ARL10: variants seen among roughly 807,000 people sequenced by gnomAD.
The protein encoded by ARL10 is ARF like GTPase 10.
ARL10 carries 23 observed loss-of-function variants against 26.1 expected under a neutral mutation model. The ratio of observed to expected loss-of-function variants is 0.88; its 90% CI spans 0.63 to 1.25. The LOEUF is 1.25. ARL10 is among the 50% of genes most tolerant of loss of function. The pLI is 0.00. For synonymous variants in ARL10, 138 were observed against 149.1 expected (o/e 0.93, Z 0.54); for missense variants, 300 against 323.6 (o/e 0.93, Z 0.56).
At chr5:176,406,343 T>C, downstream of ARL10, 1 of 1,112,004 alleles carries the variant, frequency 9.0e-7, no homozygotes, top group South Asian at 2.0e-5. Flanking sequence ...CTCCCTAGAA[T>C]CCCTCTCCTG....
chr5:176,396,538 G>A, intron 1 of ARL10: 1 of 1,612,364 alleles, frequency 6.2e-7, no homozygotes, highest in Admixed American at 1.7e-5. Context: ...CGATCCTTGA[G>A]GGAAAGGTTG....
At chr5:176,369,268 T>G in intron 3 of ARL10, 1 of 1,297,562 alleles carries the variant, frequency 7.7e-7, no homozygotes, top group South Asian at 1.3e-5. Flanking sequence ...AGTCTTGTTC[T>G]GTCGCCCAGG....
At chr5:176,392,934 T>G, downstream of ARL10, 1 of 1,614,114 alleles carries the variant, frequency 6.2e-7, no homozygotes, top group Middle Eastern at 1.6e-4. This position sits in a 1 kb window ranked among gnomAD's most constrained non-coding sequence, Gnocchi z 5.2. Context: ...CACGAAAGCC[T>G]CCTCGGATGC....
chr5:176,406,051 C>G, downstream of ARL10: 5 of 637,590 alleles, frequency 7.8e-6, no homozygotes, highest in Non-Finnish European at 9.8e-6. Flanking sequence ...GCAGTCACCA[C>G]TCATTATTTC....
At chr5:176,388,248 A>T (rs1204787616) in intron 1 of ARL10, 2 of 1,611,532 alleles carry the variant, frequency 1.2e-6, no homozygotes, top group Admixed American at 1.7e-5. Flanking sequence ...TCTCTTACGG[A>T]GGGGCACCGC....
At chr5:176,384,342 T>G (rs1201501127), downstream of ARL10, 2 of 1,614,144 alleles carry the variant, frequency 1.2e-6, no homozygotes, top group African/African-American at 2.7e-5. Flanking sequence ...TTGGGGTATC[T>G]TGATAGTAAT....
chr5:176,403,741 G>A (rs548141692), downstream of ARL10, among the ~76,000 whole-genome samples: 5 of 142,302 alleles, frequency 3.5e-5, no homozygotes, highest in African/African-American at 7.9e-5. Context: ...CGTGAGCCAC[G>A]GTGCCCGGCC....
chr5:176,401,262 T>C (rs1337051318), intron 1 of ARL10, among the ~76,000 whole-genome samples: 2 of 152,258 alleles, frequency 1.3e-5, no homozygotes, highest in African/African-American at 4.8e-5. Context: ...TTTGTGTATA[T>C]GGGTTTATCC....
chr5:176,371,777 C>T lies in ARL10; in HGVS notation c.617C>T (p.Ala206Val). The change falls in exon 4 of 4, where the codon GCT (alanine) becomes GTT (valine). Residue 206 changes from alanine to valine, a missense_variant. Physicochemically the swap from Ala to Val is moderately conservative, Grantham distance 64. Transcript: ENST00000310389. ...CTGCAGCGGGAGCTGGGTCTACAGGCTATCGATAACCAGCGGGAGGTTTTC... is the reference window on the plus strand; with the variant it reads ...CTGCAGCGGGAGCTGGGTCTACAGGTTATCGATAACCAGCGGGAGGTTTTC... Reference protein sequence around the residue: ...GELQRELGLQAIDNQREVFLL... With the variant: ...GELQRELGLQVIDNQREVFLL... 2 of 1,614,212 alleles carry T rather than the reference C, an allele frequency of 1.2e-6. No homozygotes were observed. The highest frequency in any genetic ancestry group is 2.2e-5 in the East Asian group (1 of 44,876).
At chr5:176,386,680 C>T (rs758962570), downstream of ARL10, 2 of 727,788 alleles carry the variant, frequency 2.7e-6, no homozygotes, top group Non-Finnish European at 5.0e-6. Context: ...GAAAAATGAG[C>T]CAGCCAGGAC....
rs1388662684 is a variant in ARL10, at chr5:176,366,468, G to A, written c.272G>A (p.Ser91Asn). 4 of 1,613,800 alleles carry A rather than the reference G, an allele frequency of 2.5e-6. No homozygotes were observed. The African/African-American group carries it at 5.3e-5, about 22-fold the overall frequency. ...CTGGGGCTGGATGGCGCAGGCAAGA[G>A]CACGTTCCTGCGCGTGTTGTCGGGG... is the stretch of plus-strand genomic sequence containing the variant. ...LVLGLDGAGK[S>N]TFLRVLSGKP... is the part of the protein sequence containing the mutation. Residue 91 changes from serine to asparagine, a missense_variant, in exon 2 of 4, where the codon AGC becomes AAC. By Grantham distance (46) the Ser-to-Asn change is conservative (BLOSUM62 1). Coordinates refer to ENST00000310389, the MANE Select transcript of ARL10 (RefSeq NM_173664.6).
intron 1 of ARL10, 42 bp from the exon 2 acceptor site, chr5:176,366,338 C>A: frequency 1.3e-6 from 2 of 1,560,584 alleles, no homozygotes; most frequent in Non-Finnish European, 1.7e-6. Flanking sequence ...AAAGGTCCTT[C>A]GGGAGGCCGC....
chr5:176,385,281 C>G, downstream of ARL10: 4 of 1,613,452 alleles, frequency 2.5e-6, no homozygotes, highest in Non-Finnish European at 3.4e-6. Flanking sequence ...GGTCCCGAGA[C>G]AGAGTATTTC....
At chr5:176,397,971 C>A (rs372564708) in intron 1 of ARL10, 1 of 1,614,092 alleles carries the variant, frequency 6.2e-7, no homozygotes, top group Non-Finnish European at 8.5e-7. Context: ...TCGCCACTTG[C>A]GGATGCTCTC....
intron 1 of ARL10, chr5:176,396,485 C>A: frequency 6.2e-7 from 1 of 1,613,832 alleles, no homozygotes; most frequent in Non-Finnish European, 8.5e-7. Context: ...GTACACGTAG[C>A]CGATGATATC....
At position 176,381,071 on chromosome 5, in the gene ARL10, T is replaced by A. The variant is rs965129398; in HGVS notation, c.*9176T>A. On this transcript the variant is annotated 3_prime_UTR_variant, in exon 4 of 4. Coordinates refer to ENST00000310389, the MANE Select transcript of ARL10 (RefSeq NM_173664.6). ...GCATCAGCCACCACACCCAGCCCCA[T>A]AATTCTTACATATAAAATTAGATGG... 6.6e-6 allele frequency: 1 copy of A among 152,182 alleles called. No individual in the cohort carries two copies. Among genetic ancestry groups the A allele is most frequent in the African/African-American group, 2.4e-5 (1 of 41,448 alleles). The allele number at this position is 152,182 out of a possible 1,614,324, so 9.4% of individuals were successfully genotyped here. A position where few individuals can be genotyped will look rare whatever the true frequency, so the allele number is the denominator to read the frequency against.
downstream of ARL10, among the ~76,000 whole-genome samples, chr5:176,403,681 T>C (rs574953255): frequency 7.3e-5 from 11 of 150,408 alleles, no homozygotes; most frequent in South Asian, 2.1e-3. Context: ...CTTGAACTCC[T>C]GACCTTGTGA....
intron 1 of ARL10, among the ~76,000 whole-genome samples, chr5:176,387,735 CTA>C (rs1308494727): frequency 1.3e-5 from 2 of 152,218 alleles, no homozygotes; most frequent in Non-Finnish European, 2.9e-5. Context: ...AACCCTGCCT[CTA>C]CTAAAACCAC....
rs1768399762 is a variant in ARL10, at chr5:176,368,405, G to A, written c.386-402G>A. Among the ~76,000 whole-genome samples the A allele has an allele frequency of 6.6e-6, 1 of 152,044 alleles. No homozygotes were observed. Among genetic ancestry groups the A allele is most frequent in the Admixed American group, 6.6e-5 (1 of 15,256 alleles). Reference sequence around the variant, plus strand: ...AAGAGGCAAAGCCAGACAACCCAGGGGAGAGAACTGAAGACTTCCATTTAC... The same window carrying A: ...AAGAGGCAAAGCCAGACAACCCAGGAGAGAGAACTGAAGACTTCCATTTAC... On this transcript the variant is annotated intron_variant, in intron 2 of 3. Transcript: ENST00000310389. This position sits in a 1 kb window ranked among gnomAD's most constrained non-coding sequence, Gnocchi z 4.1.
Sources: gnomAD v4.1 joint callset for allele counts (sites outside exome capture counted in the v4.1 genomes callset) on GRCh38, gnomAD v4.1.1 for gene constraint, Gnocchi (gnomAD v3.1) non-coding constraint, MANE v1.5 for transcripts, NCBI Gene and HGNC (gene_info 2026-07-23, HGNC 2026-07-21) for gene names.